METTL15: variants seen among roughly 807,000 people sequenced by gnomAD.
METTL15 encodes 12S rRNA N(4)-cytidine methyltransferase METTL15.
In METTL15, 34 loss-of-function variants were observed where a neutral mutation model predicts 38.3. That is an observed-to-expected ratio of 0.89 (90% CI 0.68 to 1.18). The LOEUF is 1.18. Ranked by LOEUF, METTL15 falls within the 50% of genes most tolerant of loss-of-function variation. The probability of loss-of-function intolerance (pLI) is 0.00; values close to 1 mark genes in which losing one functional copy is unlikely to be tolerated. For synonymous variants in METTL15, 162 were observed against 170.9 expected (o/e 0.95, Z 0.41); for missense variants, 438 against 498.4 (o/e 0.88, Z 1.15).
intron 3 of METTL15, among the ~76,000 whole-genome samples, chr11:28,351,321 G>C (rs1398013772): frequency 6.6e-6 from 1 of 152,034 alleles, no homozygotes; most frequent in African/African-American, 2.4e-5. Context: ...ATGTTGCCCA[G>C]GCTGGTCTCA....
intron 6 of METTL15, among the ~76,000 whole-genome samples, chr11:28,518,342 A>G (rs994828192): frequency 6.6e-6 from 1 of 152,120 alleles, no homozygotes; most frequent in African/African-American, 2.4e-5. Context: ...GCAGCCCTTA[A>G]TAGGAGTGCC....
At chr11:28,445,216 T>A (rs1413222495) in intron 6 of METTL15, among the ~76,000 whole-genome samples, 1 of 152,168 alleles carries the variant, frequency 6.6e-6, no homozygotes, top group African/African-American at 2.4e-5. Context: ...TTTTAAAAAC[T>A]CTTTACTTTG....
chr11:28,294,802 C>G (rs1303919041), intron 5 of METTL15, among the ~76,000 whole-genome samples: 1 of 152,052 alleles, frequency 6.6e-6, no homozygotes, highest in African/African-American at 2.4e-5. Context: ...ATGGAAACTT[C>G]TATCATTGTT....
chr11:28,167,502 A>G (rs147651031), intron 3 of METTL15, among the ~76,000 whole-genome samples: 1 of 152,074 alleles, frequency 6.6e-6, no homozygotes, highest in East Asian at 1.9e-4. Flanking sequence ...TTTTTTCTCT[A>G]TGCAGATAAT....
At chr11:28,322,335 A>T (rs1417921404) in intron 6 of METTL15, among the ~76,000 whole-genome samples, 1 of 152,118 alleles carries the variant, frequency 6.6e-6, no homozygotes, top group African/African-American at 2.4e-5. Flanking sequence ...AGAGACCAAC[A>T]TCACATCAGG....
chr11:28,144,973 G>T, intron 3 of METTL15: 1 of 208,244 alleles, frequency 4.8e-6, no homozygotes, highest in South Asian at 9.7e-5. Flanking sequence ...AGTGGCCACT[G>T]AACCATTCAG....
intron 6 of METTL15, among the ~76,000 whole-genome samples, chr11:28,306,451 TC>T (rs1857085698): frequency 6.6e-6 from 1 of 152,084 alleles, no homozygotes; most frequent in Non-Finnish European, 1.5e-5. Context: ...ATCTGAACGA[TC>T]CATTTCAGAA....
At chr11:28,351,931 G>T (rs1385318764) in intron 3 of METTL15, among the ~76,000 whole-genome samples, 3 of 152,132 alleles carry the variant, frequency 2.0e-5, no homozygotes, top group Non-Finnish European at 4.4e-5. Context: ...TACCCATTCT[G>T]CCTTAATTTC....
intron 4 of METTL15, among the ~76,000 whole-genome samples, chr11:28,225,299 C>T (rs1161215991): frequency 6.6e-6 from 1 of 151,572 alleles, no homozygotes; most frequent in African/African-American, 2.4e-5. Flanking sequence ...ATTTTCAATT[C>T]CATTTTGCGT....
intron 5 of METTL15, among the ~76,000 whole-genome samples, chr11:28,370,376 G>T (rs1850230747): frequency 6.6e-6 from 1 of 151,778 alleles, no homozygotes; most frequent in South Asian, 2.1e-4. Flanking sequence ...TGATGTTGCT[G>T]CAAATGACAG....
chr11:28,164,539 TG>T (rs921486437), intron 3 of METTL15, among the ~76,000 whole-genome samples: 9 of 152,152 alleles, frequency 5.9e-5, no homozygotes, highest in African/African-American at 1.7e-4. Context: ...TTTAAAAAAG[TG>T]TTATTTCTAA....
At chr11:28,176,289 G>GT (rs1339459660) in intron 3 of METTL15, among the ~76,000 whole-genome samples, 1 of 152,020 alleles carries the variant, frequency 6.6e-6, no homozygotes, top group African/African-American at 2.4e-5. Context: ...TGTTTATACA[G>GT]TTTTTCTTTT....
At chr11:28,230,791 T>C (rs1369228600) in intron 4 of METTL15, among the ~76,000 whole-genome samples, 1 of 151,964 alleles carries the variant, frequency 6.6e-6, no homozygotes, top group South Asian at 2.1e-4. Flanking sequence ...TTATCTACTT[T>C]AGTATTTTAT....
At chr11:28,185,773 G>A (rs999987079) in intron 3 of METTL15, among the ~76,000 whole-genome samples, 1 of 150,676 alleles carries the variant, frequency 6.6e-6, no homozygotes, top group African/African-American at 2.4e-5. Context: ...TATTTTTAGA[G>A]CTTTAATCAT....
chr11:28,232,151 G>A (rs1164130574), intron 4 of METTL15, among the ~76,000 whole-genome samples: 1 of 151,832 alleles, frequency 6.6e-6, no homozygotes, highest in Non-Finnish European at 1.5e-5. Flanking sequence ...AGAGAGAATT[G>A]TGGAGTAAAC....
At chr11:28,521,550 C>T (rs1016067418) in intron 6 of METTL15, among the ~76,000 whole-genome samples, 1 of 152,010 alleles carries the variant, frequency 6.6e-6, no homozygotes, top group African/African-American at 2.4e-5. Context: ...AAGGTAGGGC[C>T]GTGTGCTGAA....
At chr11:28,504,122 C>T (rs576886638) in intron 6 of METTL15, among the ~76,000 whole-genome samples, 79 of 142,300 alleles carry the variant, frequency 5.6e-4, no homozygotes, top group East Asian at 1.3e-3. Flanking sequence ...CGCTTGAACC[C>T]GGAGGCAGAG....
intron 6 of METTL15, among the ~76,000 whole-genome samples, chr11:28,447,330 GC>G: frequency 6.6e-6 from 1 of 152,192 alleles, no homozygotes; most frequent in African/African-American, 2.4e-5. Flanking sequence ...TTTCCAGGAA[GC>G]AATAGATGTC....
At chr11:28,373,843 TA>T (rs1850274201) in intron 5 of METTL15, among the ~76,000 whole-genome samples, 1 of 152,182 alleles carries the variant, frequency 6.6e-6, no homozygotes. Context: ...GATTTTTGTA[TA>T]AGGTGTAAGG....
Sources: allele counts gnomAD v4.1 joint callset (sites outside exome capture counted in the v4.1 genomes callset), GRCh38; gene constraint gnomAD v4.1.1; transcripts MANE v1.5; gene names NCBI Gene and HGNC (gene_info 2026-07-23, HGNC 2026-07-21).